PIK3R6: variants seen among roughly 807,000 people sequenced by gnomAD.
PIK3R6 encodes the protein phosphoinositide 3-kinase regulatory subunit 6.
PIK3R6 carries 91 observed loss-of-function variants against 84.9 expected under a neutral mutation model. That is an observed-to-expected ratio of 1.07 (90% CI 0.90 to 1.28). The LOEUF is 1.28. Among genes scored for constraint, PIK3R6 ranks in the 50% most tolerant of loss-of-function variants. The pLI is 0.00. For missense variants in PIK3R6, 996 were observed against 985.1 expected (o/e 1.01, Z -0.15); for synonymous variants, 416 against 411.4 (o/e 1.01, Z -0.13).
chr17:8,814,119 C>T (rs554274887), intron 18 of PIK3R6, among the ~76,000 whole-genome samples: 47 of 151,988 alleles, frequency 3.1e-4, no homozygotes, highest in African/African-American at 1.1e-3. Context: ...ATCTGGGATC[C>T]CCCCACAGAA....
At position 8,839,274 on chromosome 17, in the gene PIK3R6, G is replaced by A. The variant is rs936882954; in HGVS notation, c.97+340C>T. On this transcript the variant is annotated intron_variant, in intron 3 of 19. Transcript: ENST00000619866. The surrounding 1 kb of genome is among the most constrained non-coding windows in gnomAD (Gnocchi z 4.2). ...GAGGCAGGAGGATCGCTTGAACCAGGGAGGCAGAGGTTGTGGTGAGCCGAG... is the reference window on the plus strand; with the variant it reads ...GAGGCAGGAGGATCGCTTGAACCAGAGAGGCAGAGGTTGTGGTGAGCCGAG... Among the ~76,000 whole-genome samples, 5 of 152,132 alleles carry A rather than the reference G, an allele frequency of 3.3e-5. No homozygotes were observed. Among genetic ancestry groups the A allele is most frequent in the African/African-American group, 1.2e-4 (5 of 41,422 alleles).
chr17:8,847,880 A>C (rs1013318840), intron 2 of PIK3R6, among the ~76,000 whole-genome samples: 5 of 151,710 alleles, frequency 3.3e-5, no homozygotes, highest in African/African-American at 1.2e-4. Flanking sequence ...CCTTTTATCC[A>C]CTGGATCTGG....
chr17:8,843,622 G>C (rs986719414), intron 2 of PIK3R6, among the ~76,000 whole-genome samples: 6 of 151,678 alleles, frequency 4.0e-5, no homozygotes, highest in Non-Finnish European at 8.8e-5. Flanking sequence ...TTTTGTTTGG[G>C]CTTGTATAGT....
intron 18 of PIK3R6, among the ~76,000 whole-genome samples, chr17:8,815,364 G>C (rs142695296): frequency 6.6e-6 from 1 of 151,998 alleles, no homozygotes; most frequent in Admixed American, 6.6e-5. Flanking sequence ...AAATTAGCAC[G>C]GTGTGGTGGC....
chr17:8,835,169 G>A lies in PIK3R6; in HGVS notation c.645+104C>T. The A allele has an allele frequency of 2.5e-6, 3 of 1,206,198 alleles. No homozygotes were observed. In the South Asian group the frequency reaches 5.9e-5, roughly 24 times the overall value. The allele number at this position is 1,206,198 out of a possible 1,614,324, so 74.7% of individuals were successfully genotyped here. ...TATTAATTTTTGATTTGGGGGAAAA[G>A]GTGATGCGAAACAGGAGAAGGAGGA... On this transcript the variant is annotated intron_variant, in intron 8 of 19. Transcript: ENST00000619866.
chr17:8,803,885 G>A lies in PIK3R6; in HGVS notation c.2108+156C>T. On this transcript the variant is annotated intron_variant, in intron 19 of 19. Coordinates refer to ENST00000619866, the MANE Select transcript of PIK3R6 (RefSeq NM_001010855.4). The surrounding 1 kb of genome is among the most constrained non-coding windows in gnomAD (Gnocchi z 5.0). ...TCCTGGATCCAAAGCATAGGGCAGTGGCCTCTGTCCATCCTCACCAAGGTT... is the reference window on the plus strand; with the variant it reads ...TCCTGGATCCAAAGCATAGGGCAGTAGCCTCTGTCCATCCTCACCAAGGTT... The A allele has an allele frequency of 3.1e-6, 2 of 652,484 alleles. No homozygotes were observed. The highest frequency in any genetic ancestry group is 1.9e-5 in the South Asian group (1 of 53,732). 40.4% of individuals were successfully genotyped at this position (652,484 alleles called of 1,614,324 possible). A position where few individuals can be genotyped will look rare whatever the true frequency, so the allele number is the denominator to read the frequency against.
intron 1 of PIK3R6, among the ~76,000 whole-genome samples, chr17:8,857,214 T>C (rs187362683): frequency 4.6e-4 from 70 of 152,322 alleles, no homozygotes; most frequent in Non-Finnish European, 8.8e-4. Flanking sequence ...AATACTGGGA[T>C]GGGGCGTGTC....
In PIK3R6 at chr17:8,857,697, G is replaced by A. The variant is rs551496911; in HGVS notation, c.-91-7812C>T. 3.3e-5 allele frequency among the ~76,000 whole-genome samples: 5 copies of A among 152,230 alleles called. No homozygotes were observed. The South Asian group carries it at 6.2e-4, about 19-fold the overall frequency. ...CAGGCGGATCACAAGATCAGGGATC[G>A]AGACCATCCTAGCTAACATGGTGAA... is the stretch of plus-strand genomic sequence containing the variant. On this transcript the variant is annotated intron_variant, in intron 1 of 19. Transcript: ENST00000619866.
At chr17:8,858,953 T>G (rs2089207939) in intron 1 of PIK3R6, among the ~76,000 whole-genome samples, 1 of 152,236 alleles carries the variant, frequency 6.6e-6, no homozygotes. Flanking sequence ...ACAAAGTGCC[T>G]TCTGTGTTGG....
intron 1 of PIK3R6, among the ~76,000 whole-genome samples, chr17:8,850,542 G>T (rs188181618): frequency 6.6e-6 from 1 of 152,182 alleles, no homozygotes. Flanking sequence ...TTGGAACTCA[G>T]ACCGTCTGGC....
At chr17:8,825,473 T>G (rs1030828981) in intron 13 of PIK3R6, among the ~76,000 whole-genome samples, 2 of 152,212 alleles carry the variant, frequency 1.3e-5, no homozygotes, top group African/African-American at 4.8e-5. Context: ...AGCATAGGTA[T>G]GTACTAAATA....
intron 2 of PIK3R6, among the ~76,000 whole-genome samples, chr17:8,846,815 T>C (rs1487741641): frequency 6.6e-6 from 1 of 152,122 alleles, no homozygotes. Context: ...AGACTACATT[T>C]CCCAAACTCC....
intron 10 of PIK3R6, among the ~76,000 whole-genome samples, chr17:8,829,367 T>C (rs111174039): frequency 2.3e-4 from 18 of 79,234 alleles, no homozygotes; most frequent in Admixed American, 1.6e-3. Context: ...CACACACACA[T>C]GCATGGATAC....
Position 8,803,286 on chromosome 17 carries a change from C to A in PIK3R6, c.2252G>T (p.Gly751Val). The change falls in exon 20 of 20, where the codon GGT (glycine) becomes GTT (valine). Residue 751 changes from glycine (G) to valine (V), a missense_variant. Gly to Val is a moderately radical substitution (Grantham distance 109). Transcript: ENST00000619866. The surrounding 1 kb of genome is among the most constrained non-coding windows in gnomAD (Gnocchi z 5.0). Reference sequence around the variant, plus strand: ...GTCCCTGCAGGCTCACTGGACAATACCAGAGAATGTGTTGATGGGCATCAG... The same window carrying A: ...GTCCCTGCAGGCTCACTGGACAATAACAGAGAATGTGTTGATGGGCATCAG... ...PLLMPINTFS[G>V]IVQ 6.2e-7 allele frequency: 1 copy of A among 1,612,518 alleles called. No homozygotes were observed. Among genetic ancestry groups the A allele is most frequent in the Non-Finnish European group, 8.5e-7 (1 of 1,179,834 alleles).
chr17:8,826,594 A>C (rs758522365), intron 13 of PIK3R6, among the ~76,000 whole-genome samples: 10 of 152,180 alleles, frequency 6.6e-5, no homozygotes, highest in Non-Finnish European at 1.3e-4. Context: ...ACATGGACAC[A>C]GGGAGTGGAA....
Position 8,828,700 on chromosome 17 carries a change from G to GCAGCCCTGGGGGCCCGTCC in PIK3R6, c.1161_1179dup (p.His394GlyfsTer37). 6.2e-7 allele frequency: 1 copy of GCAGCCCTGGGGGCCCGTCC among 1,611,056 alleles called. No individual in the cohort carries two copies. Among genetic ancestry groups the GCAGCCCTGGGGGCCCGTCC allele is most frequent in the Non-Finnish European group, 8.5e-7 (1 of 1,178,830 alleles). ...CCACTGGGCCGGCCTGTCCTCCGGT[G>GCAGCCCTGGGGGCCCGTCC]CAGCCCTGGGGGCCCGTCCCAGCTG... On this transcript the variant is annotated frameshift_variant, in exon 11 of 20. Coordinates refer to ENST00000619866, the MANE Select transcript of PIK3R6 (RefSeq NM_001010855.4). LOFTEE classifies it high-confidence loss of function.
intron 9 of PIK3R6, among the ~76,000 whole-genome samples, chr17:8,832,581 CTACTTTAG>C (rs2088284687): frequency 6.7e-6 from 1 of 148,392 alleles, no homozygotes. Flanking sequence ...AAACCCTCTA[CTACTTTAG>C]TAGAGGGTTT....
chr17:8,865,151 G>A (rs969965271), intron 1 of PIK3R6, among the ~76,000 whole-genome samples: 1 of 152,138 alleles, frequency 6.6e-6, no homozygotes, highest in African/African-American at 2.4e-5. Context: ...ACTGAAGTAA[G>A]AGGGCTTGGA....
rs1567601226 is a variant in PIK3R6 at position 8,839,937 on chromosome 17, G to A, written c.14-240C>T. On this transcript the variant is annotated intron_variant, in intron 2 of 19. Coordinates refer to ENST00000619866, the MANE Select transcript of PIK3R6 (RefSeq NM_001010855.4). This position sits in a 1 kb window ranked among gnomAD's most constrained non-coding sequence, Gnocchi z 4.2. ...AAGTGCAGTATGTGTACCACTGGTG[G>A]TATGTAGGACAATTTTAGGTGGTAC... 6.6e-6 allele frequency among the ~76,000 whole-genome samples: 1 copy of A among 152,098 alleles called. No individual in the cohort carries two copies. Among genetic ancestry groups the A allele is most frequent in the Non-Finnish European group, 1.5e-5 (1 of 68,026 alleles).
Sources: allele counts gnomAD v4.1 joint callset (sites outside exome capture counted in the v4.1 genomes callset), GRCh38; gene constraint gnomAD v4.1.1; non-coding constraint Gnocchi (gnomAD v3.1); transcripts MANE v1.5; gene names NCBI Gene and HGNC (gene_info 2026-07-23, HGNC 2026-07-21).